TGS1: variants seen among roughly 807,000 people sequenced by gnomAD.
The protein encoded by TGS1 is trimethylguanosine synthase 1.
In TGS1, 69 loss-of-function variants were observed where a neutral mutation model predicts 92.2. That is an observed-to-expected ratio of 0.75 (90% CI 0.62 to 0.91). TGS1 has a LOEUF of 0.91. TGS1 is among the 40% of genes least tolerant of loss of function. The pLI, the probability that TGS1 is intolerant of heterozygous loss-of-function variation, is 0.00. For synonymous variants in TGS1, 345 were observed against 338.1 expected (o/e 1.02, Z -0.22); for missense variants, 1,062 against 1,001.2 (o/e 1.06, Z -0.82).
intron 6 of TGS1, among the ~76,000 whole-genome samples, chr8:55,793,960 T>G (rs1257611548): frequency 6.6e-6 from 1 of 151,784 alleles, no homozygotes; most frequent in African/African-American, 2.4e-5. Context: ...ACAGAAAAAT[T>G]AGGTCATATT....
chr8:55,821,091 A>C (rs1313861166), intron 12 of TGS1, among the ~76,000 whole-genome samples: 1 of 152,246 alleles, frequency 6.6e-6, no homozygotes, highest in Non-Finnish European at 1.5e-5. Context: ...ACGTACAAAA[A>C]GGCTAAAGTT....
chr8:55,808,996 A>G (rs1043281713), intron 10 of TGS1, among the ~76,000 whole-genome samples: 3 of 152,254 alleles, frequency 2.0e-5, no homozygotes, highest in Admixed American at 6.5e-5. Flanking sequence ...ATATGTAAGT[A>G]TACACATATA....
rs760920878 is a variant in TGS1, at chr8:55,799,057, A to G, written c.1686A>G (p.Leu562=). 3.7e-6 allele frequency: 6 copies of G among 1,614,100 alleles called. No individual in the cohort carries two copies. The highest frequency in any genetic ancestry group is 3.3e-5 in the Admixed American group (2 of 60,002). Reference sequence around the variant, plus strand: ...TGTCTGTTAAAAAAGGTGATGACCTACTGGAGACTAATAATCCAGAACCTG... The same window carrying G: ...TGTCTGTTAAAAAAGGTGATGACCTGCTGGAGACTAATAATCCAGAACCTG... ...QDMSVKKGDD[L]LETNNPEPEK... Residue 562 remains leucine, a synonymous_variant, in exon 8 of 13, where the codon CTA becomes CTG. Coordinates refer to ENST00000260129, the MANE Select transcript of TGS1 (RefSeq NM_024831.8).
intron 6 of TGS1, among the ~76,000 whole-genome samples, chr8:55,793,772 T>G (rs1394786066): frequency 6.7e-6 from 1 of 150,288 alleles, no homozygotes; most frequent in Non-Finnish European, 1.5e-5. Context: ...ATTTATTTAT[T>G]TATTTTTTAA....
Position 55,773,468 on chromosome 8 carries a change from C to T in TGS1, c.-151C>T, listed in dbSNP as rs1318250526. Reference sequence around the variant, plus strand: ...GCCACTTCCGGCGGCAGCGTCCGGGCTAGTTCCCGGCGCGAGCGGCCGCGG... The same window carrying T: ...GCCACTTCCGGCGGCAGCGTCCGGGTTAGTTCCCGGCGCGAGCGGCCGCGG... On this transcript the variant is annotated 5_prime_UTR_variant, in exon 1 of 13. Transcript: ENST00000260129. 6 of 557,292 alleles carry T rather than the reference C, an allele frequency of 1.1e-5. No individual in the cohort carries two copies. Among genetic ancestry groups the T allele is most frequent in the Non-Finnish European group, 1.2e-5 (4 of 326,330 alleles). The allele number at this position is 557,292 out of a possible 1,614,324, so 34.5% of individuals were successfully genotyped here.
intron 5 of TGS1, among the ~76,000 whole-genome samples, chr8:55,791,524 A>G (rs1374136179): frequency 6.6e-6 from 1 of 152,172 alleles, no homozygotes; most frequent in South Asian, 2.1e-4. Flanking sequence ...TTATTCCTGA[A>G]TTTGTAGCCT....
At position 55,783,395 on chromosome 8, in the gene TGS1, G is replaced by A. The variant is rs1453624058; in HGVS notation, c.166+583G>A. On this transcript the variant is annotated intron_variant, in intron 2 of 12. Transcript: ENST00000260129. The stretch of plus-strand genomic sequence containing the variant: ...GATTGTGCCACTGCACTCCAGCCTG[G>A]GCAACAGAGTGAGACTCCATCTCCA... Among the ~76,000 whole-genome samples, 7 of 152,070 alleles carry A rather than the reference G, an allele frequency of 4.6e-5. 1 individual carries two copies. Among genetic ancestry groups the A allele is most frequent in the Non-Finnish European group, 1.0e-4 (7 of 68,020 alleles).
At chr8:55,800,072 T>C (rs1189567922) in intron 8 of TGS1, among the ~76,000 whole-genome samples, 4 of 152,234 alleles carry the variant, frequency 2.6e-5, no homozygotes. Context: ...AATGGTATTA[T>C]GAAACCATTA....
At chr8:55,802,733 C>A in intron 9 of TGS1, 127 bp downstream of exon 9, 2 of 944,582 alleles carry the variant, frequency 2.1e-6, no homozygotes, top group Non-Finnish European at 3.0e-6. Context: ...CAACATTTTG[C>A]CCCGTTTACG....
chr8:55,796,640 A>G (rs946482282), intron 7 of TGS1, among the ~76,000 whole-genome samples: 2 of 151,554 alleles, frequency 1.3e-5, no homozygotes, highest in Non-Finnish European at 2.9e-5. Context: ...GTGAGCCGAG[A>G]TCGCGCCTTT....
In TGS1 at chr8:55,796,051, T is replaced by G; in HGVS notation, c.1441T>G (p.Tyr481Asp). 1.2e-6 allele frequency: 2 copies of G among 1,613,156 alleles called. No individual in the cohort carries two copies. The highest frequency in any genetic ancestry group is 1.7e-6 in the Non-Finnish European group (2 of 1,179,284). ...LEKNVKLKSK[Y>D]LDMRRQIKMK... is the part of the protein sequence containing the mutation. ...GAAGAATGTGAAGCTTAAGTCTAAG[T>G]ACCTAGACATGCGCAGACAAATAAA... Residue 481 changes from tyrosine (Y) to aspartate (D), a missense_variant, in exon 7 of 13, where the codon TAC (tyrosine) becomes GAC (aspartate). Physicochemically the swap from Tyr to Asp is radical, Grantham distance 160. Transcript: ENST00000260129.
chr8:55,809,210 C>T (rs1803273990), intron 10 of TGS1, among the ~76,000 whole-genome samples: 1 of 152,186 alleles, frequency 6.6e-6, no homozygotes, highest in African/African-American at 2.4e-5. Context: ...CAGATATTTG[C>T]TGTCTGTGCA....
intron 1 of TGS1, among the ~76,000 whole-genome samples, chr8:55,775,849 CAAGAA>C (rs1811380688): frequency 6.6e-6 from 1 of 152,024 alleles, no homozygotes; most frequent in Admixed American, 6.6e-5. Flanking sequence ...TTTTTAAAGA[CAAGAA>C]GAGATGGATT....
In TGS1 at chr8:55,786,356, C is replaced by T. The variant is rs143111097; in HGVS notation, c.458C>T (p.Ala153Val). 1.7e-4 allele frequency: 281 copies of T among 1,613,358 alleles called. No individual in the cohort carries two copies. Among genetic ancestry groups the T allele is most frequent in the South Asian group, 5.3e-4 (48 of 90,684 alleles). The part of the protein sequence containing the change: ...RKEYEEDDIL[A>V]SDDPSSIEQY... Reference sequence around the variant, plus strand: ...GAATATGAAGAAGACGACATTTTGGCTTCAGATGATCCATCTTCAATTGAA... The same window carrying T: ...GAATATGAAGAAGACGACATTTTGGTTTCAGATGATCCATCTTCAATTGAA... Residue 153 changes from alanine to valine, a missense_variant, in exon 4 of 13, where the codon GCT becomes GTT. By Grantham distance (64) the Ala-to-Val change is moderately conservative. Coordinates refer to ENST00000260129, the MANE Select transcript of TGS1 (RefSeq NM_024831.8).
intron 4 of TGS1, among the ~76,000 whole-genome samples, chr8:55,789,362 T>C (rs888033351): frequency 6.6e-6 from 1 of 152,198 alleles, no homozygotes; most frequent in Non-Finnish European, 1.5e-5. Flanking sequence ...GTTACTTTCA[T>C]ACTATATTAA....
rs781142339 is a variant in TGS1, at chr8:55,790,279, G to A, written c.1260G>A (p.Lys420=). The A allele has an allele frequency of 1.9e-6, 3 of 1,613,758 alleles. No individual in the cohort carries two copies. The South Asian group carries it at 3.3e-5, about 18-fold the overall frequency. ...DESEEDPPEH[K]PSKLKRSHEL... ...GTGAGGAAGACCCACCTGAGCATAA[G>A]CCAAGCAAACTGAAGAGGAGGTAAG... Residue 420 remains lysine (K), a synonymous_variant, in exon 5 of 13, where the codon AAG becomes AAA. Coordinates refer to ENST00000260129, the MANE Select transcript of TGS1 (RefSeq NM_024831.8).
intron 11 of TGS1, among the ~76,000 whole-genome samples, chr8:55,812,827 C>T (rs16922275): frequency 0.026 from 3,909 of 152,266 alleles, 176 homozygotes; most frequent in African/African-American, 0.088. Flanking sequence ...TAATTGAAAT[C>T]GATTCAACTG....
chr8:55,792,590 G>A, intron 5 of TGS1, 108 bp from the exon 6 acceptor site: 1 of 666,150 alleles, frequency 1.5e-6, no homozygotes, highest in Non-Finnish European at 2.7e-6. Context: ...GGTTGACTAT[G>A]GTGTTGGGAA....
At chr8:55,806,187 C>T (rs922595882) in intron 10 of TGS1, among the ~76,000 whole-genome samples, 1 of 148,206 alleles carries the variant, frequency 6.7e-6, no homozygotes, top group Non-Finnish European at 1.5e-5. Context: ...GAGACCCCGT[C>T]TCTCCTAAAA....
Sources: allele counts gnomAD v4.1 joint callset (sites outside exome capture counted in the v4.1 genomes callset), GRCh38; gene constraint gnomAD v4.1.1; transcripts MANE v1.5; gene names NCBI Gene and HGNC (gene_info 2026-07-23, HGNC 2026-07-21).